ITGBL1: variants seen among roughly 807,000 people sequenced by gnomAD.
ITGBL1 encodes the protein integrin beta-like protein 1.
Under a neutral mutation model 68.5 loss-of-function variants are expected in ITGBL1, and 51 were observed. The observed-to-expected ratio is 0.74, with a 90% CI of 0.59 to 0.94. The LOEUF (loss-of-function observed/expected upper bound fraction) is 0.94, where lower values mean the gene tolerates loss of function less well. ITGBL1 is among the 40% of genes least tolerant of loss of function. ITGBL1 has a pLI of 0.00. For synonymous variants in ITGBL1, 209 were observed against 227.3 expected, an observed-to-expected ratio of 0.92 and a Z score of 0.72; for missense variants, 649 against 647.4, an observed-to-expected ratio of 1.00 and a Z score of -0.03.
intron 2 of ITGBL1, among the ~76,000 whole-genome samples, chr13:101,539,974 T>G (rs2049661130): frequency 6.6e-6 from 1 of 152,198 alleles, no homozygotes; most frequent in Non-Finnish European, 1.5e-5. Flanking sequence ...ATGAGTAGAT[T>G]GCAAAAATTT....
chr13:101,718,913 A>G (rs2034821637), downstream of ITGBL1: 1 of 152,150 alleles, frequency 6.6e-6, no homozygotes, highest in Admixed American at 6.6e-5. Context: ...AACCTCAGCT[A>G]TGACTACTAT....
intron 7 of ITGBL1, among the ~76,000 whole-genome samples, chr13:101,601,410 A>T (rs553010536): frequency 6.6e-6 from 1 of 152,054 alleles, no homozygotes; most frequent in South Asian, 2.1e-4. Context: ...TGATTTTTTG[A>T]AGGGTTTTTT....
At chr13:101,483,122 A>G (rs1287896053) in intron 2 of ITGBL1, among the ~76,000 whole-genome samples, 2 of 152,212 alleles carry the variant, frequency 1.3e-5, no homozygotes, top group East Asian at 3.8e-4. Context: ...CCCCACACCC[A>G]GGCTTCACAT....
At chr13:101,532,137 TA>T (rs1209665350) in intron 2 of ITGBL1, among the ~76,000 whole-genome samples, 3 of 152,176 alleles carry the variant, frequency 2.0e-5, no homozygotes, top group African/African-American at 7.2e-5. Flanking sequence ...TTTTTCAAGT[TA>T]TTTCTTAGAA....
intron 2 of ITGBL1, among the ~76,000 whole-genome samples, chr13:101,531,220 G>A (rs2049469654): frequency 6.6e-6 from 1 of 152,132 alleles, no homozygotes; most frequent in South Asian, 2.1e-4. Context: ...TGTAATGTAA[G>A]TGACTAAAAG....
intron 8 of ITGBL1, 137 bp from the exon 9 acceptor site, chr13:101,706,619 C>A: frequency 2.5e-6 from 2 of 801,970 alleles, no homozygotes; most frequent in Non-Finnish European, 1.9e-6. Flanking sequence ...AATTACATGC[C>A]AAATTGACTA....
chr13:101,715,083 G>A (rs1035821837), intron 10 of ITGBL1: 10 of 164,262 alleles, frequency 6.1e-5, no homozygotes, highest in Non-Finnish European at 1.2e-4. Context: ...CGAGGAAACA[G>A]AGACATGTAT....
chr13:101,559,946 C>T (rs1000478241), intron 2 of ITGBL1, among the ~76,000 whole-genome samples: 2 of 152,086 alleles, frequency 1.3e-5, no homozygotes, highest in African/African-American at 2.4e-5. Flanking sequence ...CTTTTAATTT[C>T]GAGGCAGTGG....
chr13:101,681,705 G>C (rs1243416942), intron 7 of ITGBL1, among the ~76,000 whole-genome samples: 1 of 152,104 alleles, frequency 6.6e-6, no homozygotes, highest in Non-Finnish European at 1.5e-5. Flanking sequence ...TGAGATATTG[G>C]TTGTGGTTGA....
chr13:101,646,787 G>A (rs774523387), intron 7 of ITGBL1, among the ~76,000 whole-genome samples: 44 of 152,020 alleles, frequency 2.9e-4, no homozygotes, highest in Admixed American at 6.5e-4. Flanking sequence ...AAACAAAAAG[G>A]AAAAAACTTT....
At chr13:101,658,649 A>G (rs1437462923) in intron 7 of ITGBL1, among the ~76,000 whole-genome samples, 1 of 152,142 alleles carries the variant, frequency 6.6e-6, no homozygotes, top group African/African-American at 2.4e-5. Context: ...CTGGGATAAT[A>G]CATTTTAAAA....
chr13:101,672,591 C>T (rs943844860), intron 7 of ITGBL1, among the ~76,000 whole-genome samples: 2 of 152,142 alleles, frequency 1.3e-5, no homozygotes, highest in Non-Finnish European at 2.9e-5. Flanking sequence ...TTCCCACACA[C>T]AATGTAAATG....
In ITGBL1 at chr13:101,454,048, G is replaced by C; in HGVS notation, c.264G>C (p.Leu88=). The change falls in exon 2 of 11, where the codon CTG becomes CTC. Residue 88 remains leucine, a synonymous_variant. Coordinates refer to ENST00000376180, the MANE Select transcript of ITGBL1 (RefSeq NM_004791.3). ...AGCCGGGCATGTTCTTCGGGCCCCTGTGTGAGTGCCATGAGTGGGTGTGCG... is the reference window on the plus strand; with the variant it reads ...AGCCGGGCATGTTCTTCGGGCCCCTCTGTGAGTGCCATGAGTGGGTGTGCG... ...VTEPGMFFGP[L]CECHEWVCET... 1.3e-6 allele frequency: 2 copies of C among 1,593,932 alleles called. No homozygotes were observed. Among genetic ancestry groups the C allele is most frequent in the Non-Finnish European group, 1.7e-6 (2 of 1,170,766 alleles).
At chr13:101,552,447 A>G (rs1288724533) in intron 2 of ITGBL1, among the ~76,000 whole-genome samples, 1 of 152,230 alleles carries the variant, frequency 6.6e-6, no homozygotes, top group African/African-American at 2.4e-5. Context: ...TTAAGAATAA[A>G]TAGCAATGAA....
At chr13:101,604,675 G>C (rs1007279793) in intron 7 of ITGBL1, among the ~76,000 whole-genome samples, 9 of 150,352 alleles carry the variant, frequency 6.0e-5, no homozygotes, top group African/African-American at 2.2e-4. Context: ...AACTTGTAAA[G>C]AGTTCGTTTT....
At chr13:101,532,953 G>A (rs2049509147) in intron 2 of ITGBL1, among the ~76,000 whole-genome samples, 1 of 152,150 alleles carries the variant, frequency 6.6e-6, no homozygotes, top group Admixed American at 6.5e-5. Flanking sequence ...TAATAGAGGG[G>A]CCATATTTCC....
At chr13:101,696,759 A>G (rs1005612590) in intron 8 of ITGBL1, among the ~76,000 whole-genome samples, 5 of 152,136 alleles carry the variant, frequency 3.3e-5, no homozygotes, top group African/African-American at 1.2e-4. Context: ...TCTCATTATC[A>G]TATGCTCAAA....
At chr13:101,693,486 G>A (rs2033927788) in intron 8 of ITGBL1, among the ~76,000 whole-genome samples, 1 of 152,136 alleles carries the variant, frequency 6.6e-6, no homozygotes. Flanking sequence ...GGATGCATAG[G>A]TAGGCTTGTT....
At chr13:101,687,853 G>A (rs2033791110) in intron 7 of ITGBL1, among the ~76,000 whole-genome samples, 1 of 152,036 alleles carries the variant, frequency 6.6e-6, no homozygotes, top group East Asian at 1.9e-4. Flanking sequence ...TTGTCTTCTT[G>A]CAAATTACTT....
Sources: allele counts gnomAD v4.1 joint callset (sites outside exome capture counted in the v4.1 genomes callset), GRCh38; gene constraint gnomAD v4.1.1; transcripts MANE v1.5; gene names NCBI Gene and HGNC (gene_info 2026-07-23, HGNC 2026-07-21).